JMJD1C: variants seen among roughly 807,000 people sequenced by gnomAD.
JMJD1C encodes the protein jumonji domain containing 1C.
Under a neutral mutation model 245.3 loss-of-function variants are expected in JMJD1C, and 31 were observed. The ratio of observed to expected loss-of-function variants is 0.13; its 90% CI spans 0.09 to 0.17. The LOEUF is 0.17. Among genes scored for constraint, JMJD1C ranks in the 10% least tolerant of loss-of-function variants. JMJD1C has a pLI of 1.00. For synonymous variants in JMJD1C, 1,057 were observed against 1,017.4 expected (o/e 1.04, Z -0.74); for missense variants, 2,691 against 3,000.2 (o/e 0.90, Z 2.41).
At chr10:63,381,916 A>G (rs1453312692) in intron 1 of JMJD1C, among the ~76,000 whole-genome samples, 1 of 152,188 alleles carries the variant, frequency 6.6e-6, no homozygotes, top group Non-Finnish European at 1.5e-5. Context: ...AAATGTTTTT[A>G]AAGAGTAAAT....
chr10:63,343,844 C>A (rs1335084263), intron 2 of JMJD1C, among the ~76,000 whole-genome samples: 1 of 151,888 alleles, frequency 6.6e-6, no homozygotes, highest in African/African-American at 2.4e-5. Flanking sequence ...TCAAGACCGG[C>A]CTGGGTAATG....
At chr10:63,257,470 A>C (rs944676779) in intron 3 of JMJD1C, among the ~76,000 whole-genome samples, 1 of 152,118 alleles carries the variant, frequency 6.6e-6, no homozygotes, top group Non-Finnish European at 1.5e-5. Flanking sequence ...CTGTTTTTTC[A>C]CCTTTAACAA....
At chr10:63,452,175 A>AT (rs1292998676) in intron 1 of JMJD1C, among the ~76,000 whole-genome samples, 4 of 152,342 alleles carry the variant, frequency 2.6e-5, no homozygotes, top group Admixed American at 6.5e-5. Flanking sequence ...AATAGAGAAT[A>AT]TATCTCTAAT....
chr10:63,206,511 C>T (rs1846641519), intron 10 of JMJD1C, 84 bp downstream of exon 10: 3 of 1,072,068 alleles, frequency 2.8e-6, no homozygotes, highest in African/African-American at 1.6e-5. Flanking sequence ...TGCCTTTAAG[C>T]TCACTGATCT....
At chr10:63,224,061 T>C (rs1280657516) in intron 3 of JMJD1C, among the ~76,000 whole-genome samples, 1 of 152,218 alleles carries the variant, frequency 6.6e-6, no homozygotes, top group East Asian at 1.9e-4. Flanking sequence ...AAATATTTTT[T>C]CAACAGGTTA....
At chr10:63,222,591 T>A (rs1211507535) in intron 3 of JMJD1C, 2 of 1,595,950 alleles carry the variant, frequency 1.3e-6, no homozygotes, top group African/African-American at 1.3e-5. Flanking sequence ...AAATTACCAA[T>A]GTTTCTTCAT....
At chr10:63,375,418 GAATA>G (rs1350083286) in intron 2 of JMJD1C, among the ~76,000 whole-genome samples, 1 of 151,852 alleles carries the variant, frequency 6.6e-6, no homozygotes, top group African/African-American at 2.4e-5. Context: ...CATCAAAAAA[GAATA>G]AATTACCTAG....
At chr10:63,182,550 C>T (rs1843615787) in intron 22 of JMJD1C, among the ~76,000 whole-genome samples, 2 of 151,966 alleles carry the variant, frequency 1.3e-5, no homozygotes, top group South Asian at 2.1e-4. Flanking sequence ...GGCTTTCTTT[C>T]GAGAAAGAAA....
intron 1 of JMJD1C, among the ~76,000 whole-genome samples, chr10:63,474,904 A>C (rs1342228304): frequency 6.6e-6 from 1 of 152,192 alleles, no homozygotes; most frequent in Non-Finnish European, 1.5e-5. Context: ...AATGTGACAA[A>C]TTGTTAAATG....
intron 2 of JMJD1C, among the ~76,000 whole-genome samples, chr10:63,322,304 T>C (rs1012512281): frequency 6.6e-6 from 1 of 152,158 alleles, no homozygotes; most frequent in African/African-American, 2.4e-5. Context: ...TTTTTTCCTC[T>C]GGAAAATTCA....
At chr10:63,237,229 G>C (rs1327352953) in intron 3 of JMJD1C, among the ~76,000 whole-genome samples, 5 of 152,078 alleles carry the variant, frequency 3.3e-5, no homozygotes, top group Non-Finnish European at 7.4e-5. Context: ...GTAGAGACAG[G>C]GTTTCACCAT....
chr10:63,328,750 A>G (rs1337259637), intron 2 of JMJD1C, among the ~76,000 whole-genome samples: 1 of 152,248 alleles, frequency 6.6e-6, no homozygotes, highest in Non-Finnish European at 1.5e-5. Flanking sequence ...TAAATAGCTA[A>G]TAAGTAGAAT....
At chr10:63,413,919 C>T (rs1949639373) in intron 1 of JMJD1C, among the ~76,000 whole-genome samples, 1 of 150,756 alleles carries the variant, frequency 6.6e-6, no homozygotes, top group Non-Finnish European at 1.5e-5. Flanking sequence ...GTAACTGATA[C>T]TGAAAGAATG....
intron 2 of JMJD1C, among the ~76,000 whole-genome samples, chr10:63,323,608 A>G (rs988823354): frequency 1.3e-5 from 2 of 152,226 alleles, no homozygotes; most frequent in African/African-American, 4.8e-5. Flanking sequence ...CAGAAGTCAT[A>G]CTGATAAGAG....
chr10:63,217,058 A>G (rs1019333691), intron 5 of JMJD1C, 149 bp downstream of exon 5: 9 of 636,118 alleles, frequency 1.4e-5, no homozygotes, highest in Non-Finnish European at 2.3e-5. Context: ...CCTCTATGTA[A>G]TATCAGATAC....
chr10:63,213,642 G>A lies in JMJD1C; in HGVS notation c.2525C>T (p.Pro842Leu), dbSNP rs1847629686. The A allele has an allele frequency of 6.2e-7, 1 of 1,614,076 alleles. No homozygotes were observed. Among genetic ancestry groups the A allele is most frequent in the African/African-American group, 1.3e-5 (1 of 74,938 alleles). Reference sequence around the variant, plus strand: ...AGGATGGGCTTGTCCAAGAAGATGAGGTGACTGGTGCTGTAACAACTGTTG... The same window carrying A: ...AGGATGGGCTTGTCCAAGAAGATGAAGTGACTGGTGCTGTAACAACTGTTG... Reference protein sequence around the residue: ...QQQQLLQHQSPHLLGQAHPSA... With the variant: ...QQQQLLQHQSLHLLGQAHPSA... Residue 842 changes from proline to leucine, a missense_variant, in exon 8 of 26, where the codon CCT becomes CTT. Pro to Leu is a moderately conservative substitution (Grantham distance 98, BLOSUM62 -3). Coordinates refer to ENST00000399262, the MANE Select transcript of JMJD1C (RefSeq NM_032776.3).
intron 3 of JMJD1C, among the ~76,000 whole-genome samples, chr10:63,231,902 A>G (rs956025427): frequency 1.4e-4 from 21 of 152,132 alleles, no homozygotes; most frequent in African/African-American, 4.8e-4. Flanking sequence ...CAATGGTGTG[A>G]TCACAGCTCA....
intron 1 of JMJD1C, among the ~76,000 whole-genome samples, chr10:63,519,848 A>G (rs1248229429): frequency 6.6e-6 from 1 of 152,208 alleles, no homozygotes; most frequent in Non-Finnish European, 1.5e-5. Flanking sequence ...AAAGGCTGTA[A>G]AGCTATTTCA....
chr10:63,366,890 G>A lies in JMJD1C; in HGVS notation c.333+13428C>T, dbSNP rs181088032. ...CTTGATTATTGTTACCTGGAATAGC[G>A]AAACAGAAACGCAAATCCTAATGCT... On this transcript the variant is annotated intron_variant, in intron 2 of 25. Coordinates refer to ENST00000399262, the MANE Select transcript of JMJD1C (RefSeq NM_032776.3). Among the ~76,000 whole-genome samples the A allele has an allele frequency of 1.4e-3, 212 of 152,268 alleles. No homozygotes were observed. In the Middle Eastern group the frequency reaches 0.034, roughly 24 times the overall value.
Sources: gnomAD v4.1 joint callset for allele counts (sites outside exome capture counted in the v4.1 genomes callset) on GRCh38, gnomAD v4.1.1 for gene constraint, MANE v1.5 for transcripts, NCBI Gene and HGNC (gene_info 2026-07-23, HGNC 2026-07-21) for gene names.